The following SDK1 variants were observed in gnomAD, a reference collection of about 807,000 sequenced individuals.
SDK1 encodes protein sidekick-1.
In SDK1, 157 loss-of-function variants were observed where a neutral mutation model predicts 245.5. The ratio of observed to expected loss-of-function variants is 0.64; its 90% CI spans 0.56 to 0.73. The LOEUF (loss-of-function observed/expected upper bound fraction) is 0.73. SDK1 is among the 30% of genes least tolerant of loss of function. The pLI is 0.00. For missense variants in SDK1, 3,583 were observed against 3,002.3 expected, an observed-to-expected ratio of 1.19 and a Z score of -4.52; for synonymous variants, 1,647 against 1,278.5, an observed-to-expected ratio of 1.29 and a Z score of -6.15.
intron 6 of SDK1, among the ~76,000 whole-genome samples, chr7:3,951,269 G>T (rs974372241): frequency 5.9e-5 from 9 of 152,046 alleles, no homozygotes; most frequent in African/African-American, 1.4e-4. Context: ...GGGTGGTAGT[G>T]GGGGGCTCCT....
chr7:3,840,462 T>G (rs1180532959), intron 5 of SDK1, among the ~76,000 whole-genome samples: 1 of 152,186 alleles, frequency 6.6e-6, no homozygotes, highest in Non-Finnish European at 1.5e-5. Flanking sequence ...GGTTGTGAAT[T>G]ATCGGACTAA....
At chr7:4,011,220 T>G (rs762266210) in intron 15 of SDK1, 107 bp downstream of exon 15, 25 of 1,384,430 alleles carry the variant, frequency 1.8e-5, no homozygotes, top group Non-Finnish European at 2.3e-5. Flanking sequence ...CCCGCTGGCT[T>G]CCCTCAGGGA....
At chr7:3,485,179 T>C (rs1183270933) in intron 1 of SDK1, among the ~76,000 whole-genome samples, 1 of 152,188 alleles carries the variant, frequency 6.6e-6, no homozygotes, top group East Asian at 1.9e-4. Flanking sequence ...TTTCTGTCTT[T>C]TTGATAATAG....
intron 5 of SDK1, among the ~76,000 whole-genome samples, chr7:3,899,402 A>T (rs138240297): frequency 6.6e-6 from 1 of 152,102 alleles, no homozygotes; most frequent in African/African-American, 2.4e-5. Flanking sequence ...TTTAAATCCT[A>T]TGTCTACCAC....
At chr7:3,787,481 AAG>A (rs1165128486) in intron 4 of SDK1, among the ~76,000 whole-genome samples, 1 of 152,166 alleles carries the variant, frequency 6.6e-6, no homozygotes, top group Non-Finnish European at 1.5e-5. Flanking sequence ...CCTGTGTAAA[AAG>A]AGGTAAATAC....
chr7:3,551,970 C>G (rs761192842), intron 1 of SDK1, among the ~76,000 whole-genome samples: 1 of 152,108 alleles, frequency 6.6e-6, no homozygotes, highest in Non-Finnish European at 1.5e-5. Flanking sequence ...AGTATTAATA[C>G]TATGGCCTGG....
chr7:4,069,244 G>T (rs1472599789), intron 20 of SDK1, among the ~76,000 whole-genome samples: 1 of 152,220 alleles, frequency 6.6e-6, no homozygotes, highest in Non-Finnish European at 1.5e-5. Flanking sequence ...GTTGAGAGAA[G>T]TTGTATCAGT....
In SDK1 at chr7:3,510,953, A is replaced by G. The variant is rs1223176821; in HGVS notation, c.299-108127A>G. On this transcript the variant is annotated intron_variant, in intron 1 of 44. Transcript: ENST00000404826. ...TTCCGTGGGAAGCCATCAGAACAAG[A>G]AGAGATGAGATCAAACAGCAAAGAA... 2.6e-5 allele frequency among the ~76,000 whole-genome samples: 4 copies of G among 152,368 alleles called. No homozygotes were observed. In the East Asian group the frequency reaches 7.7e-4, roughly 29 times the overall value.
chr7:3,333,735 T>C (rs1422103653), intron 1 of SDK1, among the ~76,000 whole-genome samples: 1 of 152,216 alleles, frequency 6.6e-6, no homozygotes, highest in Non-Finnish European at 1.5e-5. Context: ...CAGGGTTCGA[T>C]TATCGAGGAC....
At chr7:3,856,739 C>G (rs1249661056) in intron 5 of SDK1, among the ~76,000 whole-genome samples, 1 of 151,338 alleles carries the variant, frequency 6.6e-6, no homozygotes, top group East Asian at 2.0e-4. Flanking sequence ...TGCAGTGAGC[C>G]GAGATCACAC....
chr7:3,948,203 A>G (rs1040980979), intron 5 of SDK1, among the ~76,000 whole-genome samples: 9 of 150,858 alleles, frequency 6.0e-5, no homozygotes, highest in African/African-American at 2.2e-4. Context: ...GGTGGTTTCC[A>G]TAAGTCAGAT....
chr7:3,551,744 C>T (rs1357700272), intron 1 of SDK1, among the ~76,000 whole-genome samples: 6 of 151,880 alleles, frequency 4.0e-5, no homozygotes, highest in East Asian at 3.9e-4. Context: ...AGCACGATCA[C>T]GGCTCACCGC....
chr7:3,571,395 T>C (rs1780111585), intron 1 of SDK1, among the ~76,000 whole-genome samples: 1 of 152,014 alleles, frequency 6.6e-6, no homozygotes, highest in South Asian at 2.1e-4. Flanking sequence ...CTCAAACTCC[T>C]GGATTCAAGT....
intron 5 of SDK1, among the ~76,000 whole-genome samples, chr7:3,826,775 A>G (rs1235993710): frequency 6.6e-6 from 1 of 152,212 alleles, no homozygotes; most frequent in African/African-American, 2.4e-5. Context: ...AACCTGCATA[A>G]TAAATAACAT....
At chr7:4,075,168 A>G (rs988921550) in intron 20 of SDK1, among the ~76,000 whole-genome samples, 49 of 151,766 alleles carry the variant, frequency 3.2e-4, no homozygotes, top group Non-Finnish European at 5.6e-4. Context: ...AGGTGCTCCA[A>G]GTGCTCTGGA....
intron 4 of SDK1, among the ~76,000 whole-genome samples, chr7:3,788,115 C>G (rs907034142): frequency 1.3e-5 from 2 of 152,184 alleles, no homozygotes; most frequent in Admixed American, 1.3e-4. Context: ...CTCACTCCTT[C>G]TGCTTCGATT....
rs112224570 is a variant in SDK1, at chr7:4,210,869, A to C, written c.5539+707A>C. Among the ~76,000 whole-genome samples the C allele has an allele frequency of 1.7e-3, 260 of 152,334 alleles. 2 individuals are homozygous for C. Among genetic ancestry groups the C allele is most frequent in the African/African-American group, 5.8e-3 (241 of 41,582 alleles). ...CGAGCGTGATCAGTGCTTTGGAGGA[A>C]AGAGAGGAGGGCTAACACAAGAGGC... On this transcript the variant is annotated intron_variant, in intron 38 of 44. Coordinates refer to ENST00000404826, the MANE Select transcript of SDK1 (RefSeq NM_152744.4).
intron 1 of SDK1, among the ~76,000 whole-genome samples, chr7:3,564,482 C>G (rs1157600835): frequency 6.6e-6 from 1 of 151,184 alleles, no homozygotes; most frequent in Non-Finnish European, 1.5e-5. Context: ...GAGGGAGACT[C>G]TCAAAAAAAA....
chr7:3,489,729 T>TA (rs1438318526), intron 1 of SDK1, among the ~76,000 whole-genome samples: 1 of 152,190 alleles, frequency 6.6e-6, no homozygotes, highest in East Asian at 1.9e-4. Flanking sequence ...AGGCAACGTA[T>TA]AAAAAATAAT....
Sources: gnomAD v4.1 joint callset for allele counts (sites outside exome capture counted in the v4.1 genomes callset) on GRCh38, gnomAD v4.1.1 for gene constraint, MANE v1.5 for transcripts, NCBI Gene and HGNC (gene_info 2026-07-23, HGNC 2026-07-21) for gene names.